Variants in CPSF1 observed in about 807,000 individuals in gnomAD.
The protein encoded by CPSF1 is cleavage and polyadenylation specificity factor subunit 1.
In CPSF1, 106 loss-of-function variants were observed where a neutral mutation model predicts 175.8. That is an observed-to-expected ratio of 0.60 (90% CI 0.52 to 0.71). The LOEUF (loss-of-function observed/expected upper bound fraction) is 0.71, where lower values mean the gene tolerates loss of function less well. CPSF1 is among the 30% of genes least tolerant of loss of function. The pLI is 0.00. For synonymous variants in CPSF1, 1,024 were observed against 858.3 expected, an observed-to-expected ratio of 1.19 and a Z score of -3.37; for missense variants, 1,734 against 2,022.9, an observed-to-expected ratio of 0.86 and a Z score of 2.74.
At position 144,399,399 on chromosome 8, in the gene CPSF1, G is replaced by C. The variant is rs2116862223; in HGVS notation, c.1295-26C>G. On this transcript the variant is annotated intron_variant, in intron 13 of 37. Transcript: ENST00000616140. This position sits in a 1 kb window ranked among gnomAD's most constrained non-coding sequence, Gnocchi z 6.4. Reference sequence around the variant, plus strand: ...CTGCACACAGAGAGCCCACTTGAGCGCAGCCCTGGGTCACCTGGCCCCGCT... The same window carrying C: ...CTGCACACAGAGAGCCCACTTGAGCCCAGCCCTGGGTCACCTGGCCCCGCT... 1.2e-6 allele frequency: 2 copies of C among 1,612,690 alleles called. No individual in the cohort carries two copies. The highest frequency in any genetic ancestry group is 1.7e-6 in the Non-Finnish European group (2 of 1,179,892).
In CPSF1 at chr8:144,399,683, A is replaced by G; in HGVS notation, c.1147T>C (p.Phe383Leu). The change falls in exon 12 of 38, where the codon TTC (phenylalanine) becomes CTC (leucine). Residue 383 changes from phenylalanine to leucine, a missense_variant. Around this residue, in one of 10 missense-constraint regions of CPSF1, gnomAD observed 162 missense variants for 169.5 expected, o/e 0.96. Coordinates refer to ENST00000616140, the MANE Select transcript of CPSF1 (RefSeq NM_013291.3). The surrounding 1 kb of genome is among the most constrained non-coding windows in gnomAD (Gnocchi z 6.4). ...SMVTMEPGYL[F>L]LGSRLGNSLL... ...GAATTGCCCAGGCGAGAACCCAGGAACAGGTACCCGGGCTCCATGGTGACC... is the reference window on the plus strand; with the variant it reads ...GAATTGCCCAGGCGAGAACCCAGGAGCAGGTACCCGGGCTCCATGGTGACC... The G allele has an allele frequency of 6.2e-7, 1 of 1,610,586 alleles. No individual in the cohort carries two copies. The highest frequency in any genetic ancestry group is 2.2e-5 in the East Asian group (1 of 44,766).
chr8:144,394,572 G>C lies in CPSF1; in HGVS notation c.3568-17C>G, dbSNP rs200863382. 36 of 1,606,584 alleles carry C rather than the reference G, an allele frequency of 2.2e-5. No individual in the cohort carries two copies. The East Asian group carries it at 7.6e-4, about 34-fold the overall frequency. ...CAGGAAAATCTGGGGGCGAGGGCGA[G>C]GGTGAGCGGGCGCGGACGGGGAGCC... On this transcript the variant is annotated splice_polypyrimidine_tract_variant and intron_variant, in intron 31 of 37. Transcript: ENST00000616140.
intron 9 of CPSF1, 31 bp downstream of exon 9, chr8:144,400,135 G>GGGGCCCCCCCCCCCCCCCCCCCCC: frequency 3.3e-5 from 30 of 895,964 alleles, no homozygotes; most frequent in South Asian, 4.9e-5. Context: ...CCGTCCCCGG[G>GGGGCCCCCCCCCCCCCCCCCCCCC]CCCCCCCCGC....
rs2116876774 is a variant in CPSF1 at position 144,400,632 on chromosome 8, G to T, written c.686+39C>A. ...CCCCACCCCAGGCAGAGGCAGCTAG[G>T]GGGCCCACAGTGCAGAGGGGCCTCC... On this transcript the variant is annotated intron_variant, in intron 7 of 37. Transcript: ENST00000616140. 9 of 1,595,490 alleles carry T rather than the reference G, an allele frequency of 5.6e-6. No homozygotes were observed. In the African/African-American group the frequency reaches 1.1e-4, roughly 19 times the overall value.
In CPSF1 at chr8:144,399,666, CA is replaced by C. The variant is rs2116865051; in HGVS notation, c.1163del (p.Leu388ArgfsTer83). The C allele has an allele frequency of 6.2e-7, 1 of 1,610,540 alleles. No homozygotes were observed. The highest frequency in any genetic ancestry group is 8.5e-7 in the Non-Finnish European group (1 of 1,178,556). On this transcript the variant is annotated frameshift_variant, in exon 12 of 38. Transcript: ENST00000616140. LOFTEE classifies it high-confidence loss of function. The surrounding 1 kb of genome is among the most constrained non-coding windows in gnomAD (Gnocchi z 6.4). ...TGTACTTGAGGAGGAGGGAATTGCC[CA>C]GGCGAGAACCCAGGAACAGGTACCC... is the stretch of plus-strand genomic sequence containing the variant. ...EPGYLFLGSR[L>X]GNSLLLKYTE... is the part of the protein sequence containing the mutation.
Position 144,399,460 on chromosome 8 carries a change from C to A in CPSF1, c.1286G>T (p.Gly429Val). 6.2e-7 allele frequency: 1 copy of A among 1,612,978 alleles called. No individual in the cohort carries two copies. Among genetic ancestry groups the A allele is most frequent in the Non-Finnish European group, 8.5e-7 (1 of 1,179,956 alleles). Reference protein sequence around the residue: ...SKKKRVDATAGWSAAGKSVPQ... With the variant: ...SKKKRVDATAVWSAAGKSVPQ... Reference sequence around the variant, plus strand: ...CCTGGACCGGCCCTCACCTGACCAGCCGGCCGTCGCATCCACTCGCTTCTT... The same window carrying A: ...CCTGGACCGGCCCTCACCTGACCAGACGGCCGTCGCATCCACTCGCTTCTT... Residue 429 changes from glycine to valine, a missense_variant, in exon 13 of 38, where the codon GGC becomes GTC. Around this residue, in one of 10 missense-constraint regions of CPSF1, gnomAD observed 162 missense variants for 169.5 expected, o/e 0.96. Transcript: ENST00000616140. The surrounding 1 kb of genome is among the most constrained non-coding windows in gnomAD (Gnocchi z 6.4).
At chr8:144,408,139 T>TGG (rs1821595081) in intron 2 of CPSF1, among the ~76,000 whole-genome samples, 1 of 152,120 alleles carries the variant, frequency 6.6e-6, no homozygotes, top group African/African-American at 2.4e-5. Flanking sequence ...TTCACAACCC[T>TGG]CTTGTGGCTC....
At position 144,397,263 on chromosome 8, in the gene CPSF1, C is replaced by G; in HGVS notation, c.2536G>C (p.Val846Leu). ...EATRQGELPL[V>L]KEVLLVALGS... ...AGCGCCACCAGCAGCACCTCCTTGA[C>G]GAGGGGCAGCTCCCCCTGGCGCGTG... The change falls in exon 23 of 38, where the codon GTC (valine) becomes CTC (leucine). Residue 846 changes from valine to leucine, a missense_variant. Physicochemically the swap from Val to Leu is conservative, Grantham distance 32. Around this residue, in one of 10 missense-constraint regions of CPSF1, gnomAD observed 585 missense variants for 584.7 expected, o/e 1.00. Coordinates refer to ENST00000616140, the MANE Select transcript of CPSF1 (RefSeq NM_013291.3). The G allele has an allele frequency of 6.5e-7, 1 of 1,549,888 alleles. No homozygotes were observed. The highest frequency in any genetic ancestry group is 8.7e-7 in the Non-Finnish European group (1 of 1,147,360).
rs2116892302 is a variant in CPSF1 at position 144,402,657 on chromosome 8, G to C, written c.145-984C>G. Among the ~76,000 whole-genome samples, 152 of 152,266 alleles carry C rather than the reference G, an allele frequency of 1.0e-3. 7 individuals are homozygous for C. In the South Asian group the frequency reaches 0.031, roughly 31 times the overall value. ...AGGGCATCTTGGAAGCTGGTTAAGA[G>C]ATACAGAAGAAGCATCCACAAACCA... On this transcript the variant is annotated intron_variant, in intron 2 of 37. Coordinates refer to ENST00000616140, the MANE Select transcript of CPSF1 (RefSeq NM_013291.3).
intron 16 of CPSF1, 28 bp from the exon 17 acceptor site, chr8:144,398,896 A>G: frequency 1.2e-6 from 2 of 1,608,536 alleles, no homozygotes; most frequent in Non-Finnish European, 1.7e-6. Context: ...TGGGGGTGTG[A>G]TGGGGGTGTG....
In CPSF1 at chr8:144,401,629, C is replaced by G. The variant is rs2116886241; in HGVS notation, c.172+17G>C. 6.2e-7 allele frequency: 1 copy of G among 1,611,456 alleles called. No homozygotes were observed. Among genetic ancestry groups the G allele is most frequent in the Admixed American group, 1.7e-5 (1 of 59,736 alleles). ...GCCTGGCACCCGCACAGCCCCAGGC[C>G]GCCCCACCACACTCACCTGTGCTCC... On this transcript the variant is annotated intron_variant, in intron 3 of 37. Coordinates refer to ENST00000616140, the MANE Select transcript of CPSF1 (RefSeq NM_013291.3).
Position 144,402,331 on chromosome 8 carries a change from G to A in CPSF1, c.145-658C>T, listed in dbSNP as rs2116890674. On this transcript the variant is annotated intron_variant, in intron 2 of 37. Coordinates refer to ENST00000616140, the MANE Select transcript of CPSF1 (RefSeq NM_013291.3). ...GTTTTTTGTTTTTTGTTTTTGAGAC[G>A]GAGTCTCACTCTGTCACCCAGGCTG... is the stretch of plus-strand genomic sequence containing the variant. 4.0e-5 allele frequency among the ~76,000 whole-genome samples: 6 copies of A among 151,650 alleles called. No homozygotes were observed. The East Asian group carries it at 5.8e-4, about 15-fold the overall frequency.
At position 144,399,949 on chromosome 8, in the gene CPSF1, G is replaced by A; in HGVS notation, c.1031+43C>T. On this transcript the variant is annotated intron_variant, in intron 10 of 37. Transcript: ENST00000616140. This position sits in a 1 kb window ranked among gnomAD's most constrained non-coding sequence, Gnocchi z 6.4. ...GCCAGGGGACCCTACAGGACTTGTGGGGGGCGGTGTGGGCAGAGTTCATGG... is the reference window on the plus strand; with the variant it reads ...GCCAGGGGACCCTACAGGACTTGTGAGGGGCGGTGTGGGCAGAGTTCATGG... The A allele has an allele frequency of 6.3e-7, 1 of 1,596,212 alleles. No homozygotes were observed. Among genetic ancestry groups the A allele is most frequent in the East Asian group, 2.3e-5 (1 of 44,248 alleles).
rs782640869 is a variant in CPSF1, at chr8:144,396,599, CCT to C, written c.2823_2824del (p.Val943LeufsTer65). The C allele has an allele frequency of 8.1e-5, 130 of 1,612,632 alleles. No individual in the cohort carries two copies. Among genetic ancestry groups the C allele is most frequent in the African/African-American group, 1.7e-4 (13 of 74,920 alleles). On this transcript the variant is annotated frameshift_variant and splice_region_variant, in exon 25 of 38. Coordinates refer to ENST00000616140, the MANE Select transcript of CPSF1 (RefSeq NM_013291.3). LOFTEE classifies it high-confidence loss of function. ...ACCCCTGCAAAGGCGCTGGCCTACCCCTGAGTAGCCATAAATATCCTCGAAGT... is the reference window on the plus strand; with the variant it reads ...ACCCCTGCAAAGGCGCTGGCCTACCCGAGTAGCCATAAATATCCTCGAAGT...
chr8:144,393,657 C>CGGGGCT lies in CPSF1; in HGVS notation c.4145+4_4145+9dup, dbSNP rs1564682033. The CGGGGCT allele has an allele frequency of 1.3e-6, 2 of 1,565,598 alleles. No homozygotes were observed. Among genetic ancestry groups the CGGGGCT allele is most frequent in the South Asian group, 2.3e-5 (2 of 86,202 alleles). ...AGGGGGTGCTGCACGGGGGCGGGGC[C>CGGGGCT]GGGGCTCACCGGAAGGCGCGGGGGT... On this transcript the variant is annotated intron_variant, in intron 36 of 37. Transcript: ENST00000616140.
intron 2 of CPSF1, 75 bp from the exon 3 acceptor site, chr8:144,401,748 C>T: frequency 6.8e-7 from 1 of 1,478,790 alleles, no homozygotes; most frequent in Non-Finnish European, 9.1e-7. Flanking sequence ...CGAGAAAAGA[C>T]CACCAAGCCT....
In CPSF1 at chr8:144,400,036, G is replaced by A. The variant is rs1428891876; in HGVS notation, c.987C>T (p.Phe329=). ...AGATGACCATCTTGTCGTAGGAGATGAAGGTGGCCTGGGCGCAGTCCAGGG... is the reference window on the plus strand; with the variant it reads ...AGATGACCATCTTGTCGTAGGAGATAAAGGTGGCCTGGGCGCAGTCCAGGG... ...RITLDCAQAT[F]ISYDKMVISL... The change falls in exon 10 of 38, where the codon TTC becomes TTT. Residue 329 remains phenylalanine, a synonymous_variant. Transcript: ENST00000616140. 3 of 1,612,244 alleles carry A rather than the reference G, an allele frequency of 1.9e-6. No individual in the cohort carries two copies. Among genetic ancestry groups the A allele is most frequent in the Non-Finnish European group, 2.5e-6 (3 of 1,179,902 alleles).
In CPSF1 at chr8:144,394,274, G is replaced by A. The variant is rs532165980; in HGVS notation, c.3771C>T (p.Ser1257=). The change falls in exon 33 of 38, where the codon AGC becomes AGT. Residue 1257 remains serine (S), a synonymous_variant. Coordinates refer to ENST00000616140, the MANE Select transcript of CPSF1 (RefSeq NM_013291.3). ...SRDAKPLEVY[S]VDFMVDNAQL... is the part of the protein sequence containing the mutation. The stretch of plus-strand genomic sequence containing the variant: ...GGGCATTGTCCACCATGAAGTCCAC[G>A]CTGTACACCTCCAGGGGCTTGGCAT... 1.2e-4 allele frequency: 195 copies of A among 1,601,354 alleles called. No individual in the cohort carries two copies. The highest frequency in any genetic ancestry group is 4.8e-4 in the African/African-American group (36 of 74,754).
rs1554863125 is a variant in CPSF1 at position 144,394,994 on chromosome 8, G to A, written c.3302C>T (p.Thr1101Ile). 2 of 1,612,088 alleles carry A rather than the reference G, an allele frequency of 1.2e-6. No individual in the cohort carries two copies. Among genetic ancestry groups the A allele is most frequent in the Non-Finnish European group, 8.5e-7 (1 of 1,179,256 alleles). Residue 1101 changes from threonine to isoleucine, a missense_variant, in exon 30 of 38, where the codon ACC becomes ATC. Physicochemically the swap from Thr to Ile is moderately conservative, Grantham distance 89. Coordinates refer to ENST00000616140, the MANE Select transcript of CPSF1 (RefSeq NM_013291.3). ...RIELQEWEHV[T>I]CMKTVSLRSE... ...GCGCAGAGACACTGTCTTCATGCAG[G>A]TCACATGCTCCCACTCCTGCAGCTC... is the stretch of plus-strand genomic sequence containing the variant.
Sources: gnomAD v4.1 joint callset for allele counts (sites outside exome capture counted in the v4.1 genomes callset) on GRCh38, gnomAD v4.1.1 for gene constraint, gnomAD v4.1.1 regional missense constraint, Gnocchi (gnomAD v3.1) non-coding constraint, MANE v1.5 for transcripts, NCBI Gene and HGNC (gene_info 2026-07-23, HGNC 2026-07-21) for gene names.